Variants in WNT3A observed in about 807,000 individuals in gnomAD.
WNT3A encodes Wnt family member 3A, also known as protein Wnt-3a.
Under a neutral mutation model 37.0 loss-of-function variants are expected in WNT3A, and 17 were observed. That is an observed-to-expected ratio of 0.46 (90% CI 0.31 to 0.69). The LOEUF (loss-of-function observed/expected upper bound fraction) is 0.69. Ranked by LOEUF, WNT3A falls within the 30% of genes least tolerant of loss-of-function variation. The pLI is 0.05. For synonymous variants in WNT3A, 187 were observed against 211.0 expected (o/e 0.89, Z 0.99); for missense variants, 411 against 510.2 (o/e 0.81, Z 1.87).
intron 2 of WNT3A, among the ~76,000 whole-genome samples, chr1:228,024,785 T>C (rs562162274): frequency 6.6e-6 from 1 of 152,236 alleles, no homozygotes; most frequent in Non-Finnish European, 1.5e-5. Flanking sequence ...TACTTTGAAG[T>C]ATTTAATCTA....
intron 1 of WNT3A, among the ~76,000 whole-genome samples, chr1:228,018,040 C>T (rs564411876): frequency 6.6e-6 from 1 of 152,358 alleles, no homozygotes; most frequent in East Asian, 1.9e-4. Context: ...GCATGAACAT[C>T]CTTTTCACGT....
intron 2 of WNT3A, among the ~76,000 whole-genome samples, chr1:228,032,538 T>C (rs964956067): frequency 8.5e-5 from 13 of 152,262 alleles, no homozygotes; most frequent in Non-Finnish European, 1.6e-4. Context: ...CTTCCTTCCC[T>C]TTTATGGCTG....
rs1251744272 is a variant in WNT3A at position 228,042,034 on chromosome 1, A to C, written c.314-8622A>C. Among the ~76,000 whole-genome samples, 1 of 151,982 alleles carries C rather than the reference A, an allele frequency of 6.6e-6. No homozygotes were observed. Among genetic ancestry groups the C allele is most frequent in the Non-Finnish European group, 1.5e-5 (1 of 67,992 alleles). ...TCCCTCTGTTGCCAGGCTGGAGTGC[A>C]GTGGTGTGACCTCGGCTCACTGCAA... On this transcript the variant is annotated intron_variant, in intron 2 of 3. Coordinates refer to ENST00000284523, the MANE Select transcript of WNT3A (RefSeq NM_033131.4). The surrounding 1 kb of genome is among the most constrained non-coding windows in gnomAD (Gnocchi z 5.2).
chr1:228,011,481 G>A (rs1465069352), intron 1 of WNT3A, among the ~76,000 whole-genome samples: 1 of 151,990 alleles, frequency 6.6e-6, no homozygotes, highest in Non-Finnish European at 1.5e-5. Context: ...CCCTGCCTCT[G>A]TCCCTCCATA....
chr1:228,025,086 T>C (rs909747517), intron 2 of WNT3A, among the ~76,000 whole-genome samples: 1 of 152,208 alleles, frequency 6.6e-6, no homozygotes, highest in Non-Finnish European at 1.5e-5. Context: ...TTTTCCAGCT[T>C]TGTTCTTTCT....
intron 1 of WNT3A, among the ~76,000 whole-genome samples, chr1:228,013,849 C>A (rs1006368328): frequency 2.6e-5 from 4 of 152,226 alleles, no homozygotes; most frequent in African/African-American, 9.6e-5. Context: ...AGGAAGGAAG[C>A]CTTATCACCG....
In WNT3A at chr1:228,059,649, C is replaced by G; in HGVS notation, c.*184C>G. ...CTGAAGGCAGGGCTCCTCCCTGGAG[C>G]TAGTGTCTCCTCTCTGGTGGCTGGG... On this transcript the variant is annotated 3_prime_UTR_variant, in exon 4 of 4. Transcript: ENST00000284523. The G allele has an allele frequency of 7.3e-7, 1 of 1,375,712 alleles. No homozygotes were observed. The highest frequency in any genetic ancestry group is 9.3e-7 in the Non-Finnish European group (1 of 1,072,598). The allele number at this position is 1,375,712 out of a possible 1,614,324, so 85.2% of individuals were successfully genotyped here.
intron 2 of WNT3A, among the ~76,000 whole-genome samples, chr1:228,029,397 G>A (rs1482777141): frequency 1.3e-5 from 2 of 152,156 alleles, no homozygotes; most frequent in South Asian, 2.1e-4. Flanking sequence ...CAGTCCTGCC[G>A]GCAGAGGCGG....
Position 228,055,175 on chromosome 1 carries a change from AAAAAATATATATATATATATATATAT to A in WNT3A, c.580-3809_580-3784del, listed in dbSNP as rs1300187391. On this transcript the variant is annotated intron_variant, in intron 3 of 3. Coordinates refer to ENST00000284523, the MANE Select transcript of WNT3A (RefSeq NM_033131.4). ...CTCCGTCCCAAAAAAAAAAAAAAAA[AAAAAATATATATATATATATATATAT>A]ATATATATATATATATATACACACA... Among the ~76,000 whole-genome samples, 32 of 59,220 alleles carry A rather than the reference AAAAAATATATATATATATATATATAT, an allele frequency of 5.4e-4. 1 individual carries two copies. In the East Asian group the frequency reaches 5.5e-3, roughly 10 times the overall value. The allele number at this position is 59,220 out of a possible 152,430, so 38.9% of individuals were successfully genotyped here. A position where few individuals can be genotyped will look rare whatever the true frequency, so the allele number is the denominator to read the frequency against.
intron 1 of WNT3A, among the ~76,000 whole-genome samples, chr1:228,017,631 A>G (rs1380210989): frequency 2.0e-5 from 3 of 152,178 alleles, no homozygotes; most frequent in Non-Finnish European, 4.4e-5. Context: ...AGATGGGAGG[A>G]TCCCTTGAGC....
Position 228,007,072 on chromosome 1 carries a change from C to A in WNT3A, c.-57C>A, listed in dbSNP as rs954208085. 22 of 1,399,522 alleles carry A rather than the reference C, an allele frequency of 1.6e-5. No individual in the cohort carries two copies. Among genetic ancestry groups the A allele is most frequent in the Middle Eastern group, 4.2e-4 (2 of 4,726 alleles). 86.7% of individuals were successfully genotyped at this position (1,399,522 alleles called of 1,614,324 possible). On this transcript the variant is annotated 5_prime_UTR_variant, in exon 1 of 4. Coordinates refer to ENST00000284523, the MANE Select transcript of WNT3A (RefSeq NM_033131.4). The surrounding 1 kb of genome is among the most constrained non-coding windows in gnomAD (Gnocchi z 6.0). ...CGCCAGCTCCCAGGGCCCGGCCCCCCCCGGCGCTCACGCTCTCGGGGCGGA... is the reference window on the plus strand; with the variant it reads ...CGCCAGCTCCCAGGGCCCGGCCCCCACCGGCGCTCACGCTCTCGGGGCGGA...
At chr1:228,015,033 A>C (rs901164177) in intron 1 of WNT3A, among the ~76,000 whole-genome samples, 4 of 152,268 alleles carry the variant, frequency 2.6e-5, no homozygotes, top group Admixed American at 2.6e-4. Flanking sequence ...AAAACAAAAC[A>C]AAACCTAACA....
At chr1:228,017,251 C>T (rs1446947935) in intron 1 of WNT3A, among the ~76,000 whole-genome samples, 1 of 152,076 alleles carries the variant, frequency 6.6e-6, no homozygotes, top group African/African-American at 2.4e-5. Context: ...GTGAGCTCTG[C>T]CCAGCAGGTG....
chr1:228,019,381 G>C (rs566894758), intron 1 of WNT3A, among the ~76,000 whole-genome samples: 2 of 152,226 alleles, frequency 1.3e-5, no homozygotes, highest in African/African-American at 4.8e-5. Flanking sequence ...GCCAGTCCCT[G>C]TTTTGTAAGC....
In WNT3A at chr1:228,039,780, G is replaced by A. The variant is rs1374595085; in HGVS notation, c.314-10876G>A. 6.6e-6 allele frequency among the ~76,000 whole-genome samples: 1 copy of A among 152,196 alleles called. No homozygotes were observed. On this transcript the variant is annotated intron_variant, in intron 2 of 3. Coordinates refer to ENST00000284523, the MANE Select transcript of WNT3A (RefSeq NM_033131.4). This position sits in a 1 kb window ranked among gnomAD's most constrained non-coding sequence, Gnocchi z 4.1. ...GCCTCCAGTCCTAATTCCCTGATGG[G>A]CTTCCCAGAGGGGCCAGCCTGGGTG...
At position 228,060,050 on chromosome 1, in the gene WNT3A, G is replaced by A. The variant is rs2031769249; in HGVS notation, c.*585G>A. 1.7e-6 allele frequency: 2 copies of A among 1,190,022 alleles called. No individual in the cohort carries two copies. Among genetic ancestry groups the A allele is most frequent in the African/African-American group, 1.6e-5 (1 of 62,034 alleles). The allele number at this position is 1,190,022 out of a possible 1,614,324, so 73.7% of individuals were successfully genotyped here. The stretch of plus-strand genomic sequence containing the variant: ...TGACCAGGGCAAGGCCCCTTCCACG[G>A]GGGCTGTGGCTCTGGGTGGGCGTGG... On this transcript the variant is annotated 3_prime_UTR_variant, in exon 4 of 4. Transcript: ENST00000284523.
intron 3 of WNT3A, among the ~76,000 whole-genome samples, chr1:228,053,976 G>T (rs2031614047): frequency 6.6e-6 from 1 of 152,184 alleles, no homozygotes; most frequent in African/African-American, 2.4e-5. Context: ...AAGATCCCAA[G>T]TCTGGTACCT....
chr1:228,051,067 G>A, intron 3 of WNT3A, 146 bp downstream of exon 3: 1 of 1,107,686 alleles, frequency 9.0e-7, no homozygotes, highest in Non-Finnish European at 1.2e-6. Flanking sequence ...GGTGTGCGAA[G>A]CTTAGCACCA....
intron 1 of WNT3A, among the ~76,000 whole-genome samples, chr1:228,013,678 C>T (rs2030444394): frequency 6.6e-6 from 1 of 152,160 alleles, no homozygotes; most frequent in Non-Finnish European, 1.5e-5. Flanking sequence ...GCTTGAGCTG[C>T]CGAGAGTGGT....
Sources: gnomAD v4.1 joint callset for allele counts (sites outside exome capture counted in the v4.1 genomes callset) on GRCh38, gnomAD v4.1.1 for gene constraint, Gnocchi (gnomAD v3.1) non-coding constraint, MANE v1.5 for transcripts, NCBI Gene and HGNC (gene_info 2026-07-23, HGNC 2026-07-21) for gene names.